DBN1: variants seen among roughly 807,000 people sequenced by gnomAD.
DBN1 encodes the protein drebrin.
DBN1 carries 21 observed loss-of-function variants against 83.5 expected under a neutral mutation model. The observed-to-expected ratio is 0.25, with a 90% confidence interval of 0.18 to 0.36. DBN1 has a LOEUF of 0.36. Ranked by LOEUF, DBN1 falls within the 10% of genes least tolerant of loss-of-function variation. The probability of loss-of-function intolerance (pLI) is 1.00; values close to 1 mark genes in which losing one functional copy is unlikely to be tolerated. For missense variants in DBN1, 874 were observed against 935.7 expected, an observed-to-expected ratio of 0.93 and a Z score of 0.86; for synonymous variants, 381 against 384.9, an observed-to-expected ratio of 0.99 and a Z score of 0.12.
Position 177,458,370 on chromosome 5 carries a change from T to C in DBN1, c.1602A>G (p.Thr534=), listed in dbSNP as rs913184926. Residue 534 remains threonine (T), a synonymous_variant, in exon 13 of 15, where the codon ACA becomes ACG. Transcript: ENST00000393565. ...LWPGNGEGAS[T]LQGEPRAPTP... Reference sequence around the variant, plus strand: ...TGGGGGCCCTGGGCTCACCCTGGAGTGTGGAGGCCCCTTCCCCGTTGCCAG... The same window carrying C: ...TGGGGGCCCTGGGCTCACCCTGGAGCGTGGAGGCCCCTTCCCCGTTGCCAG... 1 of 1,613,344 alleles carries C rather than the reference T, an allele frequency of 6.2e-7. No homozygotes were observed. The highest frequency in any genetic ancestry group is 1.7e-5 in the Admixed American group (1 of 59,972).
At position 177,467,570 on chromosome 5, in the gene DBN1, C is replaced by T. The variant is rs773968366; in HGVS notation, c.388G>A (p.Gly130Arg). The T allele has an allele frequency of 1.2e-5, 19 of 1,565,868 alleles. No homozygotes were observed. Among genetic ancestry groups the T allele is most frequent in the Admixed American group, 7.6e-5 (4 of 52,370 alleles). The change falls in exon 5 of 15, where the codon GGG becomes AGG. Residue 130 changes from glycine to arginine, a missense_variant. Physicochemically the swap from Gly to Arg is moderately radical, Grantham distance 125 (BLOSUM62 -2). Around this residue, in one of 4 missense-constraint regions of DBN1, gnomAD observed 65 missense variants for 97.3 expected, o/e 0.67. Coordinates refer to ENST00000393565, the MANE Select transcript of DBN1 (RefSeq NM_001363541.2). The surrounding 1 kb of genome is among the most constrained non-coding windows in gnomAD (Gnocchi z 9.1). ...GCCAGCCCGTTAGAGAGCCGCTGCCCGATGGCACCCGCGTCTATGTCTTCC... is the reference window on the plus strand; with the variant it reads ...GCCAGCCCGTTAGAGAGCCGCTGCCTGATGGCACCCGCGTCTATGTCTTCC... ...SVEDIDAGAI[G>R]QRLSNGLARL...
At position 177,472,898 on chromosome 5, in the gene DBN1, C is replaced by A. The variant is rs1757952025; in HGVS notation, c.86+538G>T. ...GGGGAGGGCGGCCCACTCCGAGAGG[C>A]CCCCCGGTGGGCGGGGCGCCCGGCC... On this transcript the variant is annotated intron_variant, in intron 1 of 14. Transcript: ENST00000393565. 17 of 959,672 alleles carry A rather than the reference C, an allele frequency of 1.8e-5. No homozygotes were observed. The South Asian group carries it at 7.2e-4, about 41-fold the overall frequency. 59.4% of individuals were successfully genotyped at this position (959,672 alleles called of 1,614,324 possible).
intron 1 of DBN1, chr5:177,472,237 G>C: frequency 6.2e-7 from 1 of 1,613,306 alleles, no homozygotes; most frequent in Non-Finnish European, 8.5e-7. Context: ...GAAGCCCCCA[G>C]GTCAGAGTCC....
In DBN1 at chr5:177,460,424, A is replaced by G. The variant is rs1263373765; in HGVS notation, c.955+8T>C. The G allele has an allele frequency of 6.2e-7, 1 of 1,613,220 alleles. No homozygotes were observed. Among genetic ancestry groups the G allele is most frequent in the Non-Finnish European group, 8.5e-7 (1 of 1,179,874 alleles). On this transcript the variant is annotated splice_region_variant and intron_variant, in intron 10 of 14. Transcript: ENST00000393565. ...TGGGGCCGGACGGGGGGTGGGGCCT[A>G]GGACTACCTGGTCGATGGTTGAAGG...
intron 8 of DBN1, among the ~76,000 whole-genome samples, chr5:177,463,186 G>C (rs914046502): frequency 6.6e-6 from 1 of 152,088 alleles, no homozygotes. Flanking sequence ...ACAGGCGCCC[G>C]CCACCACGCT....
At position 177,458,584 on chromosome 5, in the gene DBN1, G is replaced by A. The variant is rs760746471; in HGVS notation, c.1388C>T (p.Pro463Leu). 4.3e-6 allele frequency: 7 copies of A among 1,613,652 alleles called. No homozygotes were observed. Among genetic ancestry groups the A allele is most frequent in the Non-Finnish European group, 5.9e-6 (7 of 1,179,802 alleles). The change falls in exon 13 of 15, where the codon CCT (proline) becomes CTT (leucine). Residue 463 changes from proline to leucine, a missense_variant. Coordinates refer to ENST00000393565, the MANE Select transcript of DBN1 (RefSeq NM_001363541.2). ...CTCCATGAACATCAAGTCCTCTGCA[G>A]GGCTGCCTGGCCCCCGGGGAGGCGC... Reference protein sequence around the residue: ...AQAPPRGPGSPAEDLMFMESA... With the variant: ...AQAPPRGPGSLAEDLMFMESA...
intron 8 of DBN1, among the ~76,000 whole-genome samples, chr5:177,464,629 A>G: frequency 6.7e-6 from 1 of 149,210 alleles, no homozygotes; most frequent in Non-Finnish European, 1.5e-5. Flanking sequence ...AAATAAATAA[A>G]TAAATAAATA....
chr5:177,464,323 G>A (rs988998738), intron 8 of DBN1, among the ~76,000 whole-genome samples: 17 of 150,472 alleles, frequency 1.1e-4, no homozygotes, highest in African/African-American at 2.7e-4. Context: ...GTGCACGCCT[G>A]TAATCCCAGC....
At chr5:177,460,833 G>GC in intron 8 of DBN1, 130 bp from the exon 9 acceptor site, 1 of 903,504 alleles carries the variant, frequency 1.1e-6, no homozygotes, top group Non-Finnish European at 1.7e-6. Flanking sequence ...AGGCTGGGGA[G>GC]CAGTGGTACA....
In DBN1 at chr5:177,457,131, G is replaced by T. The variant is rs899819917; in HGVS notation, c.*302C>A. 4.5e-6 allele frequency: 2 copies of T among 440,012 alleles called. No individual in the cohort carries two copies. Among genetic ancestry groups the T allele is most frequent in the South Asian group, 5.7e-5 (2 of 35,276 alleles). 27.3% of individuals were successfully genotyped at this position (440,012 alleles called of 1,614,324 possible). A position where few individuals can be genotyped will look rare whatever the true frequency, so the allele number is the denominator to read the frequency against. ...GCCTCCAACCCGGCCAGCTGAGCAG[G>T]GAGGACTAAGAGCTACAATCTGGAC... On this transcript the variant is annotated 3_prime_UTR_variant, in exon 15 of 15. Coordinates refer to ENST00000393565, the MANE Select transcript of DBN1 (RefSeq NM_001363541.2).
chr5:177,472,321 C>A, intron 1 of DBN1: 1 of 1,525,756 alleles, frequency 6.6e-7, no homozygotes. Flanking sequence ...CTCCTCTTTG[C>A]CTCAGTTTCC....
chr5:177,456,701 A>AAAC lies in DBN1; in HGVS notation c.*731_*732insGTT, dbSNP rs1756511001. 1 of 136,756 alleles carries AAAC rather than the reference A, an allele frequency of 7.3e-6. No homozygotes were observed. Among genetic ancestry groups the AAAC allele is most frequent in the Admixed American group, 7.4e-5 (1 of 13,552 alleles). 8.5% of individuals were successfully genotyped at this position (136,756 alleles called of 1,614,324 possible). On this transcript the variant is annotated 3_prime_UTR_variant, in exon 15 of 15. Transcript: ENST00000393565. ...AAAAAAAAAAAAAAAAAAAAAAAAA[A>AAAC]CAGTTACTAAACGTGAAAAAGGAAC...
chr5:177,460,745 C>T (rs746475665), intron 8 of DBN1, 42 bp from the exon 9 acceptor site: 2 of 1,602,202 alleles, frequency 1.2e-6, no homozygotes, highest in African/African-American at 1.3e-5. Flanking sequence ...CTACCCCCCA[C>T]AGGGGCTTTT....
chr5:177,468,733 TG>T, intron 2 of DBN1, 110 bp downstream of exon 2: 1 of 625,184 alleles, frequency 1.6e-6, no homozygotes, highest in Non-Finnish European at 2.5e-6. Context: ...CAGACAAGTG[TG>T]GGGCTGCAGG....
At position 177,467,869 on chromosome 5, in the gene DBN1, C is replaced by T. The variant is rs1757564856; in HGVS notation, c.256-52G>A. 6.3e-7 allele frequency: 1 copy of T among 1,580,048 alleles called. No individual in the cohort carries two copies. The highest frequency in any genetic ancestry group is 8.6e-7 in the Non-Finnish European group (1 of 1,158,128). On this transcript the variant is annotated intron_variant, in intron 3 of 14. Coordinates refer to ENST00000393565, the MANE Select transcript of DBN1 (RefSeq NM_001363541.2). The surrounding 1 kb of genome is among the most constrained non-coding windows in gnomAD (Gnocchi z 9.1). ...TCAGGAAAGGACAAGGGGGGCCCTA[C>T]ACGATAGGGTGCATCTTCCCCGGGG...
At chr5:177,460,365 G>C in intron 10 of DBN1, 67 bp downstream of exon 10, 1 of 1,607,884 alleles carries the variant, frequency 6.2e-7, no homozygotes, top group African/African-American at 1.3e-5. Context: ...TTCTGAGAGA[G>C]TCCCAGAGAG....
chr5:177,459,455 C>A, intron 11 of DBN1, 148 bp downstream of exon 11: 2 of 1,339,910 alleles, frequency 1.5e-6, no homozygotes, highest in Non-Finnish European at 2.0e-6. Context: ...GCCAGTGCCC[C>A]ATAAGGCCAG....
rs1021071879 is a variant in DBN1 at position 177,467,941 on chromosome 5, G to A, written c.256-124C>T. 6.5e-6 allele frequency: 9 copies of A among 1,387,086 alleles called. No individual in the cohort carries two copies. In the African/African-American group the frequency reaches 7.1e-5, roughly 11 times the overall value. 85.9% of individuals were successfully genotyped at this position (1,387,086 alleles called of 1,614,324 possible). ...TCTCCACGGGTGTCAGAGGGCCGACGGGGAGGGCGACTGCTCTGGGCCTTC... is the reference window on the plus strand; with the variant it reads ...TCTCCACGGGTGTCAGAGGGCCGACAGGGAGGGCGACTGCTCTGGGCCTTC... On this transcript the variant is annotated intron_variant, in intron 3 of 14. Transcript: ENST00000393565. The surrounding 1 kb of genome is among the most constrained non-coding windows in gnomAD (Gnocchi z 9.1).
intron 8 of DBN1, among the ~76,000 whole-genome samples, chr5:177,461,432 C>T (rs1050138861): frequency 3.9e-5 from 6 of 152,182 alleles, no homozygotes; most frequent in Non-Finnish European, 7.3e-5. Context: ...ATGCTTCTTT[C>T]GCAATCTGGC....
Sources: allele counts gnomAD v4.1 joint callset (sites outside exome capture counted in the v4.1 genomes callset), GRCh38; gene constraint gnomAD v4.1.1; regional missense constraint gnomAD v4.1.1; non-coding constraint Gnocchi (gnomAD v3.1); transcripts MANE v1.5; gene names NCBI Gene and HGNC (gene_info 2026-07-23, HGNC 2026-07-21).